The following MTUS2 variants were observed in gnomAD, a reference collection of about 807,000 sequenced individuals.
MTUS2 encodes microtubule-associated tumor suppressor candidate 2.
A neutral mutation model predicts 114.1 loss-of-function variants in MTUS2; 40 were observed. The observed-to-expected ratio is 0.35, with a 90% CI of 0.27 to 0.46. The LOEUF (loss-of-function observed/expected upper bound fraction) is 0.46. Ranked by LOEUF, MTUS2 falls within the 20% of genes least tolerant of loss-of-function variation. MTUS2 has a pLI of 1.00. For missense variants in MTUS2, 1,679 were observed against 1,705.4 expected (o/e 0.98, Z 0.27); for synonymous variants, 688 against 672.0 (o/e 1.02, Z -0.37).
At chr13:29,259,785 A>G (rs957422082) in intron 5 of MTUS2, among the ~76,000 whole-genome samples, 1 of 152,244 alleles carries the variant, frequency 6.6e-6, no homozygotes, top group African/African-American at 2.4e-5. Flanking sequence ...GGAAAAGATC[A>G]TCATAAACTT....
At chr13:28,998,102 T>C (rs1205519331) in intron 2 of MTUS2, among the ~76,000 whole-genome samples, 1 of 151,900 alleles carries the variant, frequency 6.6e-6, no homozygotes, top group African/African-American at 2.4e-5. Context: ...ACAAAGTCTC[T>C]CAGCATTTGC....
chr13:28,873,473 G>A (rs1877747214), intron 2 of MTUS2, among the ~76,000 whole-genome samples: 1 of 152,162 alleles, frequency 6.6e-6, no homozygotes, highest in Non-Finnish European at 1.5e-5. Context: ...ACACAACATT[G>A]AATAGGGCAG....
At chr13:29,038,515 A>T (rs895331153) in intron 4 of MTUS2, among the ~76,000 whole-genome samples, 1 of 152,132 alleles carries the variant, frequency 6.6e-6, no homozygotes, top group African/African-American at 2.4e-5. Context: ...GGAGGCATGG[A>T]GTTCAGGGAC....
At chr13:29,139,684 A>G (rs1022621812) in intron 5 of MTUS2, among the ~76,000 whole-genome samples, 3 of 152,148 alleles carry the variant, frequency 2.0e-5, no homozygotes, top group Non-Finnish European at 1.5e-5. Context: ...ATTGTCTTAT[A>G]TTATAAGGAA....
intron 5 of MTUS2, among the ~76,000 whole-genome samples, chr13:29,224,236 T>C (rs1896019559): frequency 6.6e-6 from 1 of 152,216 alleles, no homozygotes. Flanking sequence ...CATTTGCATA[T>C]GATCAAGTGC....
intron 5 of MTUS2, among the ~76,000 whole-genome samples, chr13:29,226,994 A>C (rs1298069875): frequency 6.6e-6 from 1 of 152,150 alleles, no homozygotes; most frequent in African/African-American, 2.4e-5. Flanking sequence ...GCGGTGGGTC[A>C]TGCCTGTAAT....
chr13:28,894,973 G>A (rs973310950), intron 2 of MTUS2, among the ~76,000 whole-genome samples: 10 of 152,170 alleles, frequency 6.6e-5, no homozygotes, highest in South Asian at 6.2e-4. Context: ...AAAGAAGTAC[G>A]TAAGATGAAA....
chr13:28,975,813 A>G (rs188558676), intron 2 of MTUS2, among the ~76,000 whole-genome samples: 164 of 152,300 alleles, frequency 1.1e-3, no homozygotes, highest in Admixed American at 1.7e-3. Context: ...TTTGCTTTCC[A>G]TACCAGTTCA....
intron 9 of MTUS2, among the ~76,000 whole-genome samples, chr13:29,469,552 G>T (rs1456343419): frequency 6.6e-6 from 1 of 151,816 alleles, no homozygotes; most frequent in African/African-American, 2.4e-5. Flanking sequence ...GCGTGAACCT[G>T]GGAGGCAGAA....
chr13:29,489,967 T>C (rs953939076), intron 11 of MTUS2: 1 of 152,240 alleles, frequency 6.6e-6, no homozygotes, highest in East Asian at 1.9e-4. Flanking sequence ...CTTTTCTTTC[T>C]GGATTTTCAC....
intron 8 of MTUS2, among the ~76,000 whole-genome samples, chr13:29,372,385 T>G (rs368188130): frequency 3.9e-5 from 6 of 152,094 alleles, no homozygotes; most frequent in African/African-American, 1.2e-4. Flanking sequence ...CATTGAACAA[T>G]TTGACACCAT....
At chr13:29,048,022 G>A (rs1359573800) in intron 4 of MTUS2, among the ~76,000 whole-genome samples, 1 of 152,024 alleles carries the variant, frequency 6.6e-6, no homozygotes, top group Admixed American at 6.6e-5. Flanking sequence ...TCTATTGTAT[G>A]GATTTAAAAC....
rs140516706 is a variant in MTUS2 at position 28,956,057 on chromosome 13, C to G, written c.-242-68400C>G. Among the ~76,000 whole-genome samples, 355 of 146,124 alleles carry G rather than the reference C, an allele frequency of 2.4e-3. 1 individual carries two copies. The highest frequency in any genetic ancestry group is 8.3e-3 in the African/African-American group (330 of 39,652). On this transcript the variant is annotated intron_variant, in intron 2 of 15. Transcript: ENST00000612955. ...TATTTGTAGTCTTCTGTCTCTTGCC[C>G]CCCCCCATCCTTTCCCCCAAGTCCC...
At chr13:29,095,933 T>C (rs190398747) in intron 4 of MTUS2, among the ~76,000 whole-genome samples, 1 of 152,238 alleles carries the variant, frequency 6.6e-6, no homozygotes, top group African/African-American at 2.4e-5. Flanking sequence ...TTATAATAGC[T>C]CTTTTGAAGT....
chr13:29,397,515 C>G (rs944227147), intron 8 of MTUS2, among the ~76,000 whole-genome samples: 1 of 152,224 alleles, frequency 6.6e-6, no homozygotes, highest in Non-Finnish European at 1.5e-5. Flanking sequence ...AATGCATGGT[C>G]TCAGGCCCCA....
intron 2 of MTUS2, among the ~76,000 whole-genome samples, chr13:28,907,588 G>T (rs1421234228): frequency 6.6e-6 from 1 of 151,508 alleles, no homozygotes; most frequent in South Asian, 2.1e-4. Flanking sequence ...ACAAAAAAAG[G>T]CAGGGGTTGC....
At chr13:29,423,679 G>A (rs1308405563) in intron 8 of MTUS2, among the ~76,000 whole-genome samples, 1 of 152,086 alleles carries the variant, frequency 6.6e-6, no homozygotes, top group Admixed American at 6.5e-5. Context: ...AACCTCATTG[G>A]GTACCATTTC....
chr13:29,439,077 A>G (rs2138676713), intron 8 of MTUS2, among the ~76,000 whole-genome samples: 1 of 152,338 alleles, frequency 6.6e-6, no homozygotes, highest in Non-Finnish European at 1.5e-5. Context: ...CATTTTACTC[A>G]AAATTCCCTC....
At chr13:29,370,287 A>T (rs1009661450) in intron 8 of MTUS2, among the ~76,000 whole-genome samples, 4 of 152,192 alleles carry the variant, frequency 2.6e-5, no homozygotes, top group African/African-American at 9.7e-5. Flanking sequence ...TAACAGTATT[A>T]GGAGGTAGGG....
Sources: allele counts gnomAD v4.1 joint callset (sites outside exome capture counted in the v4.1 genomes callset), GRCh38; gene constraint gnomAD v4.1.1; transcripts MANE v1.5; gene names NCBI Gene and HGNC (gene_info 2026-07-23, HGNC 2026-07-21).